The following CDH12 variants were observed in gnomAD, a reference collection of about 807,000 sequenced individuals.
CDH12 encodes cadherin 12.
Under a neutral mutation model 74.1 loss-of-function variants are expected in CDH12, and 41 were observed. The ratio of observed to expected loss-of-function variants is 0.55; its 90% CI spans 0.43 to 0.72. The LOEUF (loss-of-function observed/expected upper bound fraction) is 0.72. Among genes scored for constraint, CDH12 ranks in the 30% least tolerant of loss-of-function variants. The pLI, the probability that CDH12 is intolerant of heterozygous loss-of-function variation, is 0.00. For synonymous variants in CDH12, 399 were observed against 355.0 expected, an observed-to-expected ratio of 1.12 and a Z score of -1.39; for missense variants, 945 against 977.2, an observed-to-expected ratio of 0.97 and a Z score of 0.44.
At chr5:22,235,881 G>A (rs1366054110) in intron 3 of CDH12, among the ~76,000 whole-genome samples, 1 of 152,148 alleles carries the variant, frequency 6.6e-6, no homozygotes, top group Non-Finnish European at 1.5e-5. Flanking sequence ...CAGAAACCTA[G>A]ACGGTGTAGC....
At chr5:22,169,994 A>G (rs1239775525) in intron 4 of CDH12, among the ~76,000 whole-genome samples, 1 of 151,914 alleles carries the variant, frequency 6.6e-6, no homozygotes, top group Admixed American at 6.6e-5. Flanking sequence ...TATTAAAAAT[A>G]TGCCTAATTG....
intron 11 of CDH12, among the ~76,000 whole-genome samples, chr5:21,776,625 T>C (rs1745604441): frequency 6.6e-6 from 1 of 152,194 alleles, no homozygotes; most frequent in African/African-American, 2.4e-5. Flanking sequence ...TCTATTTATG[T>C]GCCATCCTCC....
chr5:21,932,629 G>T (rs907902774), intron 6 of CDH12, among the ~76,000 whole-genome samples: 11 of 151,874 alleles, frequency 7.2e-5, no homozygotes, highest in East Asian at 3.9e-4. Context: ...GGCCGGGTGC[G>T]CTGGCGCACG....
rs1426017540 is a variant in CDH12, at chr5:22,518,714, C to T, written c.-522-13350G>A. 2.6e-5 allele frequency among the ~76,000 whole-genome samples: 4 copies of T among 152,232 alleles called. No individual in the cohort carries two copies. In the East Asian group the frequency reaches 5.8e-4, roughly 22 times the overall value. The stretch of plus-strand genomic sequence containing the variant: ...CTTATCTCTGACTTCCACACCCTGC[C>T]ACCAACTAATAGAATAGTCAACGAC... On this transcript the variant is annotated intron_variant, in intron 1 of 14. Transcript: ENST00000382254.
At chr5:21,788,285 A>G (rs780710981) in intron 10 of CDH12, among the ~76,000 whole-genome samples, 5 of 152,300 alleles carry the variant, frequency 3.3e-5, no homozygotes, top group African/African-American at 7.2e-5. Context: ...TTAGAAGGCT[A>G]TATGGAAATC....
intron 1 of CDH12, among the ~76,000 whole-genome samples, chr5:22,562,601 T>G (rs762650866): frequency 6.6e-6 from 1 of 151,580 alleles, no homozygotes. Flanking sequence ...TTTTTTCTTA[T>G]GAAAATAAGA....
intron 1 of CDH12, among the ~76,000 whole-genome samples, chr5:22,679,521 A>G (rs1041457926): frequency 1.3e-5 from 2 of 152,142 alleles, no homozygotes; most frequent in African/African-American, 4.8e-5. Flanking sequence ...TAGATTATTT[A>G]CCACACTGAA....
intron 1 of CDH12, among the ~76,000 whole-genome samples, chr5:22,811,123 A>T (rs1749126844): frequency 2.0e-5 from 3 of 151,794 alleles, no homozygotes; most frequent in Non-Finnish European, 4.4e-5. Context: ...ACATATACAT[A>T]TATACACATA....
chr5:22,107,583 C>T (rs1434757018), intron 4 of CDH12, among the ~76,000 whole-genome samples: 1 of 150,610 alleles, frequency 6.6e-6, no homozygotes, highest in African/African-American at 2.4e-5. Context: ...GTCTCATTCC[C>T]ATGTGATAAA....
At chr5:22,261,918 G>C (rs1753530027) in intron 3 of CDH12, among the ~76,000 whole-genome samples, 1 of 151,766 alleles carries the variant, frequency 6.6e-6, no homozygotes, top group Non-Finnish European at 1.5e-5. Context: ...TTTTTACATA[G>C]ACAACTATGT....
intron 1 of CDH12, among the ~76,000 whole-genome samples, chr5:22,556,549 T>C (rs1221648907): frequency 6.6e-6 from 1 of 152,006 alleles, no homozygotes; most frequent in African/African-American, 2.4e-5. Flanking sequence ...CCTAAAGAGG[T>C]CTAGCATTGT....
chr5:22,810,049 A>T (rs1749058792), intron 1 of CDH12, among the ~76,000 whole-genome samples: 1 of 152,126 alleles, frequency 6.6e-6, no homozygotes. Context: ...ACTATATTTT[A>T]TTCTCCTCTT....
At chr5:22,776,999 C>G (rs1747136976) in intron 1 of CDH12, among the ~76,000 whole-genome samples, 2 of 152,114 alleles carry the variant, frequency 1.3e-5, no homozygotes, top group African/African-American at 4.8e-5. Flanking sequence ...TTGTCTTCCA[C>G]ACCTCCATTT....
At chr5:22,456,244 A>ACG (rs1554042084) in intron 2 of CDH12, among the ~76,000 whole-genome samples, 70 of 147,286 alleles carry the variant, frequency 4.8e-4, no homozygotes, top group Non-Finnish European at 4.3e-4. Flanking sequence ...GTCTATATAT[A>ACG]TGTGTGTGTG....
At chr5:21,908,030 G>A (rs1296493267) in intron 6 of CDH12, among the ~76,000 whole-genome samples, 1 of 152,138 alleles carries the variant, frequency 6.6e-6, no homozygotes, top group Non-Finnish European at 1.5e-5. Flanking sequence ...TTGAGAAAAT[G>A]GACAATTTCT....
chr5:22,531,785 G>C (rs1336542732), intron 1 of CDH12, among the ~76,000 whole-genome samples: 1 of 152,102 alleles, frequency 6.6e-6, no homozygotes, highest in African/African-American at 2.4e-5. Flanking sequence ...AAACACACTG[G>C]TGTAAAAATA....
chr5:22,735,875 G>A (rs911295188), intron 1 of CDH12, among the ~76,000 whole-genome samples: 2 of 151,806 alleles, frequency 1.3e-5, no homozygotes, highest in Admixed American at 1.3e-4. Flanking sequence ...TTAATCTGGA[G>A]AAGTGTCTAT....
chr5:22,639,811 C>T (rs967918521), intron 1 of CDH12, among the ~76,000 whole-genome samples: 5 of 152,092 alleles, frequency 3.3e-5, no homozygotes, highest in African/African-American at 1.2e-4. Context: ...ATATGATCCA[C>T]CCCAATACAG....
At chr5:22,112,592 GT>G (rs1205603936) in intron 4 of CDH12, among the ~76,000 whole-genome samples, 3 of 151,874 alleles carry the variant, frequency 2.0e-5, no homozygotes, top group African/African-American at 4.8e-5. Context: ...TGTCATGGTC[GT>G]TTTTTTTCCC....
Sources: allele counts gnomAD v4.1 joint callset (sites outside exome capture counted in the v4.1 genomes callset), GRCh38; gene constraint gnomAD v4.1.1; transcripts MANE v1.5; gene names NCBI Gene and HGNC (gene_info 2026-07-23, HGNC 2026-07-21).